PPP2R5A: variants seen among roughly 807,000 people sequenced by gnomAD.
The protein encoded by PPP2R5A is protein phosphatase 2 regulatory subunit B'alpha, also known as serine/threonine-protein phosphatase 2A 56 kDa regulatory subunit alpha isoform.
PPP2R5A carries 25 observed loss-of-function variants against 64.2 expected under a neutral mutation model. The observed-to-expected ratio is 0.39, with a 90% CI of 0.28 to 0.54. The LOEUF (loss-of-function observed/expected upper bound fraction) is 0.54. PPP2R5A is among the 20% of genes least tolerant of loss of function. The pLI is 0.67. For synonymous variants in PPP2R5A, 198 were observed against 201.2 expected (o/e 0.98, Z 0.13); for missense variants, 425 against 576.3 (o/e 0.74, Z 2.69).
At position 212,343,417 on chromosome 1, in the gene PPP2R5A, C is replaced by T. The variant is rs145987255; in HGVS notation, c.573+1137C>T. Among the ~76,000 whole-genome samples, 164 of 152,248 alleles carry T rather than the reference C, an allele frequency of 1.1e-3. 2 individuals carry two copies. The East Asian group carries it at 0.015, about 14-fold the overall frequency. The stretch of plus-strand genomic sequence containing the variant: ...CAAGGACCTTTCCTACCCTTCAGAC[C>T]GCTTTGTATGTGCCCTATGATAAAA... On this transcript the variant is annotated intron_variant, in intron 4 of 12. Coordinates refer to ENST00000261461, the MANE Select transcript of PPP2R5A (RefSeq NM_006243.4).
chr1:212,348,673 AT>A (rs1558153828), intron 7 of PPP2R5A, among the ~76,000 whole-genome samples, 176 bp downstream of exon 7: 1 of 152,140 alleles, frequency 6.6e-6, no homozygotes, highest in Non-Finnish European at 1.5e-5. Flanking sequence ...AGTAAGACCA[AT>A]TATTTAATTT....
At chr1:212,307,054 C>T (rs1658928680) in intron 1 of PPP2R5A, among the ~76,000 whole-genome samples, 1 of 152,068 alleles carries the variant, frequency 6.6e-6, no homozygotes, top group African/African-American at 2.4e-5. Flanking sequence ...TCACCATGCC[C>T]CTCCGGTTAA....
intron 1 of PPP2R5A, among the ~76,000 whole-genome samples, chr1:212,310,293 T>G (rs530813296): frequency 1.9e-4 from 20 of 106,956 alleles, no homozygotes; most frequent in African/African-American, 4.3e-4. Flanking sequence ...CACTGCTGGG[T>G]TTTTTTTTTT....
chr1:212,332,492 A>T (rs1316221342), intron 2 of PPP2R5A, among the ~76,000 whole-genome samples: 1 of 152,250 alleles, frequency 6.6e-6, no homozygotes, highest in Non-Finnish European at 1.5e-5. Context: ...TAGTACTAAG[A>T]TAATGCAAAG....
Position 212,301,776 on chromosome 1 carries a change from G to A in PPP2R5A, c.181+15485G>A, listed in dbSNP as rs180865278. On this transcript the variant is annotated intron_variant, in intron 1 of 12. Transcript: ENST00000261461. ...TAGAATCTTGGATTGCATCCTCAGC[G>A]TGTCACTGTAGTGGTATTGCTGGGT... 1.6e-4 allele frequency: 168 copies of A among 1,057,762 alleles called. No individual in the cohort carries two copies. The African/African-American group carries it at 2.1e-3, about 14-fold the overall frequency. The allele number at this position is 1,057,762 out of a possible 1,614,324, so 65.5% of individuals were successfully genotyped here.
chr1:212,337,817 C>A (rs933142020), intron 3 of PPP2R5A, among the ~76,000 whole-genome samples: 1 of 152,098 alleles, frequency 6.6e-6, no homozygotes, highest in African/African-American at 2.4e-5. Flanking sequence ...AAAACAGATT[C>A]TTAAAAAACT....
chr1:212,317,860 C>T (rs1051332971), intron 1 of PPP2R5A, among the ~76,000 whole-genome samples: 12 of 151,906 alleles, frequency 7.9e-5, no homozygotes, highest in African/African-American at 2.4e-4. Flanking sequence ...GTGGTGGGCG[C>T]CTGTAGTCCC....
chr1:212,319,866 G>A (rs11119912), intron 1 of PPP2R5A, among the ~76,000 whole-genome samples: 11,291 of 150,452 alleles, frequency 0.075, 1,394 homozygotes, highest in African/African-American at 0.26. Flanking sequence ...CAGGTGATCC[G>A]CCCGTCTCAG....
rs137946263 is a variant in PPP2R5A, at chr1:212,307,970, A to G, written c.182-21165A>G. On this transcript the variant is annotated intron_variant, in intron 1 of 12. Coordinates refer to ENST00000261461, the MANE Select transcript of PPP2R5A (RefSeq NM_006243.4). ...AGTTATCTTCTTGCCTCAGCCTCCA[A>G]GAAGTTATCTTCTTGCCTCAGAATA... Among the ~76,000 whole-genome samples, 124 of 151,974 alleles carry G rather than the reference A, an allele frequency of 8.2e-4. 1 individual carries two copies. The highest frequency in any genetic ancestry group is 2.9e-3 in the African/African-American group (120 of 41,454).
chr1:212,322,424 C>T (rs1368198919), intron 1 of PPP2R5A, among the ~76,000 whole-genome samples: 2 of 152,006 alleles, frequency 1.3e-5, no homozygotes, highest in Non-Finnish European at 2.9e-5. Context: ...CACAAATGTA[C>T]CAGAGTTGGG....
chr1:212,311,257 G>A (rs1275341678), intron 1 of PPP2R5A, among the ~76,000 whole-genome samples: 1 of 152,016 alleles, frequency 6.6e-6, no homozygotes, highest in Non-Finnish European at 1.5e-5. Flanking sequence ...TCACGAGGTC[G>A]GGAGATCGAG....
In PPP2R5A at chr1:212,333,491, T is replaced by A; in HGVS notation, c.379-6T>A. 1 of 1,500,178 alleles carries A rather than the reference T, an allele frequency of 6.7e-7. No individual in the cohort carries two copies. The highest frequency in any genetic ancestry group is 9.0e-7 in the Non-Finnish European group (1 of 1,111,362). 92.9% of individuals were successfully genotyped at this position (1,500,178 alleles called of 1,614,324 possible). On this transcript the variant is annotated splice_region_variant and splice_polypyrimidine_tract_variant and intron_variant, in intron 2 of 12. Transcript: ENST00000261461. ...CAACGAACGTAAAATTATTTTTTCT[T>A]TACAGATCAGTGCTAACATCTTCCG...
At chr1:212,323,467 G>C (rs1202645840) in intron 1 of PPP2R5A, among the ~76,000 whole-genome samples, 1 of 152,178 alleles carries the variant, frequency 6.6e-6, no homozygotes, top group African/African-American at 2.4e-5. Context: ...ATTAGGAAAA[G>C]ATCTTTCTAT....
intron 12 of PPP2R5A, 100 bp downstream of exon 12, chr1:212,358,887 T>C (rs561217861): frequency 1.1e-6 from 1 of 894,256 alleles, no homozygotes; most frequent in African/African-American, 1.7e-5. Flanking sequence ...GATTTTCATA[T>C]TTAAGAAGTT....
intron 4 of PPP2R5A, among the ~76,000 whole-genome samples, chr1:212,343,651 T>C (rs1439255603): frequency 3.3e-5 from 5 of 152,236 alleles, no homozygotes; most frequent in African/African-American, 1.2e-4. Flanking sequence ...AACATATACA[T>C]TTTAATCATG....
At chr1:212,328,100 C>A (rs1659438640) in intron 1 of PPP2R5A, among the ~76,000 whole-genome samples, 1 of 152,238 alleles carries the variant, frequency 6.6e-6, no homozygotes, top group Non-Finnish European at 1.5e-5. Flanking sequence ...CAGATGTGAG[C>A]CACTGTGCCT....
At chr1:212,314,693 G>A (rs1659111729) in intron 1 of PPP2R5A, among the ~76,000 whole-genome samples, 1 of 151,716 alleles carries the variant, frequency 6.6e-6, no homozygotes, top group Admixed American at 6.6e-5. Flanking sequence ...GAGTAGCTGG[G>A]ACTACAGGCA....
intron 3 of PPP2R5A, among the ~76,000 whole-genome samples, chr1:212,340,022 G>A (rs1443478902): frequency 7.4e-6 from 1 of 135,244 alleles, no homozygotes; most frequent in African/African-American, 2.7e-5. Context: ...AAAAAGCCAG[G>A]CATGGTGGCT....
chr1:212,342,425 G>T, intron 4 of PPP2R5A, 145 bp downstream of exon 4: 1 of 1,138,254 alleles, frequency 8.8e-7, no homozygotes, highest in Non-Finnish European at 1.2e-6. Context: ...TAGAATAAAA[G>T]TGAAGTTAGC....
Sources: allele counts gnomAD v4.1 joint callset (sites outside exome capture counted in the v4.1 genomes callset), GRCh38; gene constraint gnomAD v4.1.1; transcripts MANE v1.5; gene names NCBI Gene and HGNC (gene_info 2026-07-23, HGNC 2026-07-21).